The following FGL1 variants were observed in gnomAD, a reference collection of about 807,000 sequenced individuals.
The protein encoded by FGL1 is fibrinogen-like protein 1.
In FGL1, 59 loss-of-function variants were observed where a neutral mutation model predicts 43.7. The observed-to-expected ratio is 1.35, with a 90% CI of 1.10 to 1.68. The LOEUF is 1.68. Ranked by LOEUF, FGL1 falls within the 40% of genes most tolerant of loss-of-function variation. FGL1 has a pLI of 0.00. For synonymous variants in FGL1, 192 were observed against 126.5 expected (o/e 1.52, Z -3.48); for missense variants, 596 against 373.0 (o/e 1.60, Z -4.92).
At chr8:17,874,202 C>T in intron 4 of FGL1, 86 bp from the exon 5 acceptor site, 4 of 1,350,788 alleles carry the variant, frequency 3.0e-6, no homozygotes, top group Non-Finnish European at 4.2e-6. Context: ...CTACCACCAC[C>T]TCCAATATTT....
chr8:17,865,135 G>A (rs1412407021), intron 7 of FGL1, among the ~76,000 whole-genome samples: 2 of 151,876 alleles, frequency 1.3e-5, no homozygotes, highest in Non-Finnish European at 2.9e-5. Flanking sequence ...TTACAAATCT[G>A]AAAATACAAC....
At chr8:17,880,688 A>T (rs1374917034) in intron 3 of FGL1, among the ~76,000 whole-genome samples, 2 of 152,166 alleles carry the variant, frequency 1.3e-5, no homozygotes, top group African/African-American at 2.4e-5. Flanking sequence ...CAGAAATTAC[A>T]ATGTAGCATG....
chr8:17,871,220 C>T (rs932858618), intron 5 of FGL1, among the ~76,000 whole-genome samples: 6 of 151,992 alleles, frequency 3.9e-5, no homozygotes, highest in Admixed American at 2.0e-4. Context: ...AGACGAGATG[C>T]GGTGGTTCAT....
chr8:17,892,869 A>G (rs1202247944), intron 1 of FGL1, among the ~76,000 whole-genome samples: 2 of 152,310 alleles, frequency 1.3e-5, no homozygotes, highest in Admixed American at 1.3e-4. Flanking sequence ...TTGTGGGATC[A>G]AGTACTTTAT....
At position 17,864,706 on chromosome 8, in the gene FGL1, G is replaced by C. The variant is rs1452084948; in HGVS notation, c.825C>G (p.Tyr275Ter). 1 of 1,612,620 alleles carries C rather than the reference G, an allele frequency of 6.2e-7. No homozygotes were observed. Among genetic ancestry groups the C allele is most frequent in the Non-Finnish European group, 8.5e-7 (1 of 1,179,628 alleles). The change falls in exon 8 of 8, where the codon TAC becomes TAG. Residue 275 changes from tyrosine (Y) to a stop codon, truncating the protein, a stop_gained. Coordinates refer to ENST00000427924, the MANE Select transcript of FGL1 (RefSeq NM_004467.4). LOFTEE classifies it high-confidence loss of function. Reference protein sequence around the residue: ...NLNGVYYSGPYTAKTDNGIVW... With the variant: ...NLNGVYYSGP ...CAATCCCATTGTCTGTTTTAGCCGTGTAGGGGCCGCTGTAGTATACACCAT... is the reference window on the plus strand; with the variant it reads ...CAATCCCATTGTCTGTTTTAGCCGTCTAGGGGCCGCTGTAGTATACACCAT...
rs776043475 is a variant in FGL1 at position 17,874,507 on chromosome 8, A to G, written c.259T>C (p.Phe87Leu). Residue 87 changes from phenylalanine (F) to leucine (L), a missense_variant, in exon 4 of 8, where the codon TTC (phenylalanine) becomes CTC (leucine). Phe to Leu is a conservative substitution (Grantham distance 22, BLOSUM62 0). Transcript: ENST00000427924. The stretch of plus-strand genomic sequence containing the variant: ...CCACTGAGCTTATACCCATCATTGA[A>G]AATCTCTGAACAATCTGTTTTTAAA... ...KRQYADCSEI[F>L]NDGYKLSGFY... 1.1e-5 allele frequency: 18 copies of G among 1,606,524 alleles called. No homozygotes were observed. Among genetic ancestry groups the G allele is most frequent in the Non-Finnish European group, 1.5e-5 (18 of 1,176,742 alleles).
At chr8:17,884,278 G>A (rs1311776112) in intron 2 of FGL1, among the ~76,000 whole-genome samples, 1 of 151,820 alleles carries the variant, frequency 6.6e-6, no homozygotes, top group African/African-American at 2.4e-5. Flanking sequence ...TGCAACCTCT[G>A]CCTCTCTGGT....
chr8:17,867,815 C>A (rs938818664), intron 7 of FGL1, among the ~76,000 whole-genome samples: 1 of 152,176 alleles, frequency 6.6e-6, no homozygotes. Flanking sequence ...CGGTGGCTCA[C>A]GCCCAACACT....
At chr8:17,887,728 G>T (rs868578686) in intron 1 of FGL1, among the ~76,000 whole-genome samples, 24 of 152,058 alleles carry the variant, frequency 1.6e-4, no homozygotes, top group South Asian at 6.2e-4. Flanking sequence ...CCAGCAAATT[G>T]GGAGGCTGAG....
At chr8:17,882,823 T>TC (rs1438726746) in intron 2 of FGL1, among the ~76,000 whole-genome samples, 3,431 of 118,242 alleles carry the variant, frequency 0.029, 327 homozygotes, top group African/African-American at 0.093. Context: ...TAATATATCA[T>TC]ATATAATATA....
At chr8:17,874,551 C>T in intron 3 of FGL1, 30 bp from the exon 4 acceptor site, 1 of 1,575,630 alleles carries the variant, frequency 6.3e-7, no homozygotes, top group Non-Finnish European at 8.7e-7. Context: ...ATGTAACATT[C>T]ATTATGTGTC....
intron 5 of FGL1, among the ~76,000 whole-genome samples, 198 bp from the exon 6 acceptor site, chr8:17,869,202 A>G (rs974165867): frequency 1.3e-5 from 2 of 152,228 alleles, no homozygotes; most frequent in Non-Finnish European, 2.9e-5. Context: ...AAAAAAAATG[A>G]TGGATACAAT....
intron 7 of FGL1, among the ~76,000 whole-genome samples, chr8:17,866,927 T>C (rs2053277681): frequency 1.3e-5 from 2 of 152,202 alleles, no homozygotes; most frequent in Admixed American, 1.3e-4. Context: ...AGACGGTTTT[T>C]AAAATAACAG....
chr8:17,895,178 A>C (rs1173231387), intron 1 of FGL1: 5 of 486,186 alleles, frequency 1.0e-5, no homozygotes, highest in African/African-American at 6.3e-5. Context: ...AGAATATCTT[A>C]AGTTCTCTAA....
intron 1 of FGL1, among the ~76,000 whole-genome samples, chr8:17,894,103 AAAT>A (rs2053744065): frequency 1.4e-5 from 2 of 147,246 alleles, no homozygotes; most frequent in Non-Finnish European, 1.5e-5. Flanking sequence ...TGAAGACATT[AAAT>A]TTGTAAATGA....
intron 7 of FGL1, among the ~76,000 whole-genome samples, chr8:17,865,348 T>A (rs1034304149): frequency 2.0e-5 from 3 of 152,186 alleles, no homozygotes; most frequent in Non-Finnish European, 4.4e-5. Flanking sequence ...GCTCTACTAC[T>A]GGCTTTCCTG....
chr8:17,879,395 G>C (rs1209395252), intron 3 of FGL1, among the ~76,000 whole-genome samples: 2 of 151,948 alleles, frequency 1.3e-5, no homozygotes, highest in Non-Finnish European at 2.9e-5. Context: ...GATATGATTT[G>C]GATGTGTGTC....
intron 1 of FGL1, 29 bp from the exon 2 acceptor site, chr8:17,885,600 G>A (rs1286967659): frequency 6.3e-7 from 1 of 1,593,470 alleles, no homozygotes; most frequent in South Asian, 1.1e-5. Context: ...TTTTATAAAT[G>A]TATCAACCTT....
Position 17,874,344 on chromosome 8 carries a change from A to G in FGL1, c.404+18T>C. On this transcript the variant is annotated intron_variant, in intron 4 of 7. Transcript: ENST00000427924. ...CATTTGCTGCTACATATAAAGTCTT[A>G]CATCATAATTAGCACACCTGTTAAA... The G allele has an allele frequency of 1.2e-6, 2 of 1,608,272 alleles. No individual in the cohort carries two copies. The highest frequency in any genetic ancestry group is 1.7e-6 in the Non-Finnish European group (2 of 1,177,264).
Sources: allele counts gnomAD v4.1 joint callset (sites outside exome capture counted in the v4.1 genomes callset), GRCh38; gene constraint gnomAD v4.1.1; transcripts MANE v1.5; gene names NCBI Gene and HGNC (gene_info 2026-07-23, HGNC 2026-07-21).